Variants in LRRC4C observed in about 807,000 individuals in gnomAD.
LRRC4C encodes the protein leucine rich repeat containing 4C, also known as leucine-rich repeat-containing protein 4C.
In LRRC4C, 5 loss-of-function variants were observed where a neutral mutation model predicts 33.6. The observed-to-expected ratio is 0.15, with a 90% confidence interval of 0.08 to 0.31. LRRC4C has a LOEUF of 0.31. Among genes scored for constraint, LRRC4C ranks in the 10% least tolerant of loss-of-function variants. LRRC4C has a pLI of 1.00. For synonymous variants in LRRC4C, 329 were observed against 302.0 expected (o/e 1.09, Z -0.93); for missense variants, 560 against 796.7 (o/e 0.70, Z 3.58).
intron 1 of LRRC4C, among the ~76,000 whole-genome samples, chr11:40,955,937 T>G (rs936144974): frequency 6.6e-6 from 1 of 151,858 alleles, no homozygotes; most frequent in Non-Finnish European, 1.5e-5. Context: ...GACACTATGT[T>G]GTTCTCATTC....
chr11:40,786,605 T>C (rs2137328572), intron 2 of LRRC4C, among the ~76,000 whole-genome samples: 1 of 152,312 alleles, frequency 6.6e-6, no homozygotes, highest in South Asian at 2.1e-4. Flanking sequence ...CACAGTAGGA[T>C]TCTTTCCTGA....
intron 3 of LRRC4C, among the ~76,000 whole-genome samples, chr11:40,403,142 T>C (rs938703089): frequency 6.6e-6 from 1 of 152,066 alleles, no homozygotes; most frequent in African/African-American, 2.4e-5. Flanking sequence ...ATATGGATGA[T>C]TTAAACAAAA....
intron 1 of LRRC4C, among the ~76,000 whole-genome samples, chr11:40,964,329 T>G (rs562438578): frequency 2.0e-5 from 3 of 151,656 alleles, no homozygotes; most frequent in East Asian, 2.0e-4. Context: ...AGAAAGAAAA[T>G]AAAAACAGAC....
intron 4 of LRRC4C, among the ~76,000 whole-genome samples, chr11:40,246,689 C>A (rs1006288302): frequency 6.6e-6 from 1 of 151,870 alleles, no homozygotes; most frequent in Non-Finnish European, 1.5e-5. Context: ...TCATTCTATA[C>A]CCATGAGGTT....
At chr11:41,235,900 C>T (rs1948001462) in intron 1 of LRRC4C, among the ~76,000 whole-genome samples, 1 of 152,078 alleles carries the variant, frequency 6.6e-6, no homozygotes, top group Non-Finnish European at 1.5e-5. Context: ...GTAGATACTC[C>T]AGCTGCCCAT....
chr11:41,029,621 G>A (rs1248869889), intron 1 of LRRC4C, among the ~76,000 whole-genome samples: 3 of 151,740 alleles, frequency 2.0e-5, no homozygotes, highest in African/African-American at 7.2e-5. Flanking sequence ...AGACTGCTCG[G>A]CAGCTTCTAT....
At chr11:40,944,041 AATACAC>A (rs2136628538) in intron 1 of LRRC4C, among the ~76,000 whole-genome samples, 1 of 152,310 alleles carries the variant, frequency 6.6e-6, no homozygotes, top group African/African-American at 2.4e-5. Flanking sequence ...ACGGACGGTA[AATACAC>A]ATCATTACAT....
At chr11:41,213,713 A>G (rs990500095) in intron 1 of LRRC4C, among the ~76,000 whole-genome samples, 1 of 152,216 alleles carries the variant, frequency 6.6e-6, no homozygotes, top group Non-Finnish European at 1.5e-5. Flanking sequence ...TGCAGGGTAA[A>G]TATGCACTTC....
intron 2 of LRRC4C, among the ~76,000 whole-genome samples, chr11:40,667,532 G>A (rs1456772750): frequency 6.6e-6 from 1 of 152,078 alleles, no homozygotes; most frequent in Non-Finnish European, 1.5e-5. Flanking sequence ...TCACTTTTTT[G>A]TTGTGTTACC....
intron 1 of LRRC4C, among the ~76,000 whole-genome samples, chr11:40,946,512 C>G (rs1958408712): frequency 1.3e-5 from 2 of 152,274 alleles, no homozygotes; most frequent in South Asian, 4.2e-4. Context: ...AGTCTCTAAA[C>G]CGCTTTCCAC....
chr11:40,524,210 T>C (rs1374057791), intron 3 of LRRC4C, among the ~76,000 whole-genome samples: 3 of 152,148 alleles, frequency 2.0e-5, no homozygotes, highest in Non-Finnish European at 4.4e-5. Context: ...ATTAATTCAG[T>C]ATCAATGTCA....
chr11:40,622,555 C>G (rs1458221438), intron 3 of LRRC4C, among the ~76,000 whole-genome samples: 1 of 151,900 alleles, frequency 6.6e-6, no homozygotes, highest in Non-Finnish European at 1.5e-5. Flanking sequence ...TGGGAAGCTT[C>G]TGAGCTTAGA....
intron 2 of LRRC4C, among the ~76,000 whole-genome samples, chr11:40,864,912 T>C (rs1954278695): frequency 6.6e-6 from 1 of 152,186 alleles, no homozygotes; most frequent in Non-Finnish European, 1.5e-5. Flanking sequence ...GATATAAAAC[T>C]GTTTAAGCTA....
At chr11:41,413,796 G>C (rs552885516) in intron 1 of LRRC4C, among the ~76,000 whole-genome samples, 1 of 152,312 alleles carries the variant, frequency 6.6e-6, no homozygotes, top group East Asian at 1.9e-4. Context: ...TCAAGGTGTT[G>C]TCACTTAACA....
chr11:40,497,449 CTT>C (rs1954523218), intron 3 of LRRC4C, among the ~76,000 whole-genome samples: 1 of 151,676 alleles, frequency 6.6e-6, no homozygotes, highest in East Asian at 1.9e-4. Context: ...TAAACTAAAA[CTT>C]AAGCACATCG....
chr11:41,243,513 T>C (rs1407893728), intron 1 of LRRC4C, among the ~76,000 whole-genome samples: 1 of 152,194 alleles, frequency 6.6e-6, no homozygotes, highest in Non-Finnish European at 1.5e-5. Context: ...CCTTCCCAGA[T>C]AAGTATTTCC....
chr11:41,393,059 T>C (rs1953667378), intron 1 of LRRC4C, among the ~76,000 whole-genome samples: 3 of 151,912 alleles, frequency 2.0e-5, no homozygotes, highest in African/African-American at 2.4e-5. Context: ...ATAGGGGAGA[T>C]ATAATGATTG....
intron 1 of LRRC4C, among the ~76,000 whole-genome samples, chr11:41,346,626 T>C (rs998064548): frequency 2.0e-5 from 3 of 152,206 alleles, no homozygotes; most frequent in Non-Finnish European, 4.4e-5. Context: ...AAGAAAAACA[T>C]AATTCTGTAG....
intron 3 of LRRC4C, among the ~76,000 whole-genome samples, chr11:40,384,382 G>C (rs933337598): frequency 6.6e-6 from 1 of 152,096 alleles, no homozygotes; most frequent in African/African-American, 2.4e-5. Flanking sequence ...GTAAACACTA[G>C]AGATTGTACC....
Sources: gnomAD v4.1 joint callset for allele counts (sites outside exome capture counted in the v4.1 genomes callset) on GRCh38, gnomAD v4.1.1 for gene constraint, MANE v1.5 for transcripts, NCBI Gene and HGNC (gene_info 2026-07-23, HGNC 2026-07-21) for gene names.